The following DLGAP2 variants were observed in gnomAD, a reference collection of about 807,000 sequenced individuals.
DLGAP2 encodes the protein DLG associated protein 2, also known as disks large-associated protein 2.
Under a neutral mutation model 100.3 loss-of-function variants are expected in DLGAP2, and 26 were observed. The observed-to-expected ratio is 0.26, with a 90% CI of 0.19 to 0.36. The LOEUF is 0.36. Among genes scored for constraint, DLGAP2 ranks in the 10% least tolerant of loss-of-function variants. DLGAP2 has a pLI of 1.00. For synonymous variants in DLGAP2, 886 were observed against 630.1 expected, an observed-to-expected ratio of 1.41 and a Z score of -6.08; for missense variants, 1,858 against 1,453.2, an observed-to-expected ratio of 1.28 and a Z score of -4.53.
At position 1,054,944 on chromosome 8, in the gene DLGAP2, C is replaced by T. The variant is rs563683213; in HGVS notation, c.73+146978C>T. Among the ~76,000 whole-genome samples, 12 of 152,286 alleles carry T rather than the reference C, an allele frequency of 7.9e-5. No homozygotes were observed. The East Asian group carries it at 2.3e-3, about 29-fold the overall frequency. On this transcript the variant is annotated intron_variant, in intron 2 of 14. Transcript: ENST00000637795. ...ATAACAGCCTTCATAGACAGTGGCA[C>T]ACAAAAATAGTTTTTCCTCATGAAG...
chr8:770,639 G>T (rs1050092466), intron 1 of DLGAP2, among the ~76,000 whole-genome samples: 7 of 152,126 alleles, frequency 4.6e-5, no homozygotes, highest in African/African-American at 1.4e-4. Flanking sequence ...GGCCGAGGAA[G>T]ATTCGGTGGC....
At chr8:810,349 G>C (rs146113755) in intron 1 of DLGAP2, among the ~76,000 whole-genome samples, 1 of 152,230 alleles carries the variant, frequency 6.6e-6, no homozygotes, top group African/African-American at 2.4e-5. Context: ...AAATATTAAG[G>C]AAAATATAGG....
intron 2 of DLGAP2, among the ~76,000 whole-genome samples, chr8:976,333 CG>C (rs1239476448): frequency 5.3e-5 from 8 of 151,854 alleles, no homozygotes; most frequent in African/African-American, 1.9e-4. Flanking sequence ...CAGTGCAGGC[CG>C]GGCGTGATGG....
At chr8:1,096,084 C>T (rs769138247) in intron 2 of DLGAP2, among the ~76,000 whole-genome samples, 6 of 152,090 alleles carry the variant, frequency 3.9e-5, no homozygotes, top group Non-Finnish European at 5.9e-5. Context: ...GATGACGTTG[C>T]CCTAAATTAT....
At chr8:1,455,595 C>A (rs541914719) in intron 3 of DLGAP2, among the ~76,000 whole-genome samples, 1 of 152,232 alleles carries the variant, frequency 6.6e-6, no homozygotes, top group Admixed American at 6.5e-5. Flanking sequence ...TCGGTGGAGG[C>A]GGAGCGCACC....
intron 3 of DLGAP2, among the ~76,000 whole-genome samples, chr8:1,449,351 T>TGG (rs1454768158): frequency 6.6e-6 from 1 of 152,184 alleles, no homozygotes; most frequent in Admixed American, 6.5e-5. Flanking sequence ...GCATGCTTAG[T>TGG]CCAGCCCAGG....
intron 3 of DLGAP2, among the ~76,000 whole-genome samples, chr8:1,391,558 C>T (rs939480023): frequency 6.6e-6 from 1 of 152,158 alleles, no homozygotes; most frequent in African/African-American, 2.4e-5. Flanking sequence ...TGGAGCGCTA[C>T]CAGCACATGT....
At position 1,315,444 on chromosome 8, in the gene DLGAP2, G is replaced by A. The variant is rs1257732838; in HGVS notation, c.106+56561G>A. On this transcript the variant is annotated intron_variant, in intron 3 of 14. Transcript: ENST00000637795. ...AAAATAGAGCGTGTGCGAGTGCAGC[G>A]TCTCTCCAACAGTGGTCTACACTCG... 8.0e-5 allele frequency among the ~76,000 whole-genome samples: 11 copies of A among 138,314 alleles called. 1 individual carries two copies. The highest frequency in any genetic ancestry group is 3.9e-3 in the Middle Eastern group (1 of 254). 90.7% of individuals were successfully genotyped at this position (138,314 alleles called of 152,430 possible).
chr8:1,083,919 CA>C (rs1803890475), intron 2 of DLGAP2, among the ~76,000 whole-genome samples: 1 of 152,132 alleles, frequency 6.6e-6, no homozygotes, highest in South Asian at 2.1e-4. Context: ...TAGCAAAATG[CA>C]AAATCATAAC....
At chr8:995,010 T>C (rs1800747275) in intron 2 of DLGAP2, among the ~76,000 whole-genome samples, 1 of 152,240 alleles carries the variant, frequency 6.6e-6, no homozygotes, top group Admixed American at 6.5e-5. Flanking sequence ...CTTTCAAGGT[T>C]CTGGAATAGA....
chr8:854,345 G>A (rs1198836099), intron 1 of DLGAP2, among the ~76,000 whole-genome samples: 9 of 152,068 alleles, frequency 5.9e-5, no homozygotes, highest in Admixed American at 5.9e-4. Context: ...TTTTATTCAG[G>A]AGGCAAAAAG....
chr8:1,276,061 AAAT>A (rs1291787588), intron 3 of DLGAP2, among the ~76,000 whole-genome samples: 3 of 138,540 alleles, frequency 2.2e-5, no homozygotes, highest in African/African-American at 8.2e-5. Flanking sequence ...TAATATATAA[AAAT>A]AAATATATAA....
intron 6 of DLGAP2, among the ~76,000 whole-genome samples, chr8:1,592,957 T>C (rs1418753197): frequency 6.6e-6 from 1 of 152,208 alleles, no homozygotes; most frequent in Non-Finnish European, 1.5e-5. Context: ...ATGATAGATT[T>C]TACTGTCTAC....
chr8:966,810 C>G (rs1372660593), intron 2 of DLGAP2, among the ~76,000 whole-genome samples: 1 of 152,212 alleles, frequency 6.6e-6, no homozygotes, highest in Non-Finnish European at 1.5e-5. Flanking sequence ...GGATGGTCAA[C>G]CTTCTTCCAG....
At chr8:1,159,528 A>T (rs1475961568) in intron 2 of DLGAP2, among the ~76,000 whole-genome samples, 1 of 152,132 alleles carries the variant, frequency 6.6e-6, no homozygotes, top group Non-Finnish European at 1.5e-5. Flanking sequence ...TTTAGTTATT[A>T]GAGTTTTTAC....
intron 2 of DLGAP2, among the ~76,000 whole-genome samples, chr8:1,036,764 C>T (rs759673261): frequency 6.6e-5 from 10 of 152,142 alleles, no homozygotes; most frequent in South Asian, 6.2e-4. Context: ...CAGGAGGTGC[C>T]GCAGGCTGGG....
chr8:1,658,461 A>T (rs181228200), intron 8 of DLGAP2, among the ~76,000 whole-genome samples: 6 of 152,244 alleles, frequency 3.9e-5, no homozygotes, highest in East Asian at 3.9e-4. Context: ...TAGGCTATGG[A>T]TCCGTCTGGT....
intron 5 of DLGAP2, 166 bp from the exon 6 acceptor site, chr8:1,565,517 C>T: frequency 1.7e-6 from 1 of 584,844 alleles, no homozygotes; most frequent in Non-Finnish European, 3.0e-6. Context: ...TTTTTATATT[C>T]ATTTCCTTTT....
In DLGAP2 at chr8:1,073,212, T is replaced by C. The variant is rs145539421; in HGVS notation, c.73+165246T>C. Reference sequence around the variant, plus strand: ...GACACCAGCAAAACATTTGAGATCATCTTTCTCTTCTGCTATTGGAACATA... The same window carrying C: ...GACACCAGCAAAACATTTGAGATCACCTTTCTCTTCTGCTATTGGAACATA... On this transcript the variant is annotated intron_variant, in intron 2 of 14. Coordinates refer to ENST00000637795, the MANE Select transcript of DLGAP2 (RefSeq NM_001346810.2). 3.3e-3 allele frequency among the ~76,000 whole-genome samples: 510 copies of C among 152,342 alleles called. 1 individual carries two copies. Among genetic ancestry groups the C allele is most frequent in the African/African-American group, 0.011 (476 of 41,568 alleles).
Sources: allele counts gnomAD v4.1 joint callset (sites outside exome capture counted in the v4.1 genomes callset), GRCh38; gene constraint gnomAD v4.1.1; transcripts MANE v1.5; gene names NCBI Gene and HGNC (gene_info 2026-07-23, HGNC 2026-07-21).